Variants in IL1RN observed in about 807,000 individuals in gnomAD.
The protein encoded by IL1RN is interleukin 1 receptor antagonist.
In IL1RN, 10 loss-of-function variants were observed where a neutral mutation model predicts 13.7. That is an observed-to-expected ratio of 0.73 (90% CI 0.45 to 1.24). The LOEUF (loss-of-function observed/expected upper bound fraction) is 1.24, where lower values mean the gene tolerates loss of function less well. Among genes scored for constraint, IL1RN ranks in the 50% most tolerant of loss-of-function variants. The pLI is 0.00. For missense variants in IL1RN, 213 were observed against 222.1 expected (o/e 0.96, Z 0.26); for synonymous variants, 102 against 82.7 (o/e 1.23, Z -1.27).
intron 2 of IL1RN, chr2:113,120,275 T>G (rs957410723): frequency 4.1e-6 from 3 of 734,454 alleles, no homozygotes; most frequent in Non-Finnish European, 7.3e-6. Flanking sequence ...CTAATATATC[T>G]GCAATGGTTT....
chr2:113,126,322 G>A (rs1166599024), upstream of IL1RN, among the ~76,000 whole-genome samples: 1 of 152,154 alleles, frequency 6.6e-6, no homozygotes, highest in African/African-American at 2.4e-5. Context: ...AGAAGACCTG[G>A]ATTTCTCTGC....
At chr2:113,104,101 C>T (rs1573268833), upstream of IL1RN, among the ~76,000 whole-genome samples, 1 of 151,564 alleles carries the variant, frequency 6.6e-6, no homozygotes. Flanking sequence ...TTCATCATTA[C>T]ATGGTACTAT....
chr2:113,102,633 C>T (rs1314909601), upstream of IL1RN, among the ~76,000 whole-genome samples: 7 of 151,272 alleles, frequency 4.6e-5, no homozygotes, highest in Non-Finnish European at 7.4e-5. Flanking sequence ...AGAGAGTCAG[C>T]GAAGGGAGAT....
chr2:113,123,913 T>C (rs896221122), upstream of IL1RN, among the ~76,000 whole-genome samples: 6 of 152,164 alleles, frequency 3.9e-5, no homozygotes, highest in Non-Finnish European at 8.8e-5. Flanking sequence ...TGTTGAGAAA[T>C]AGCCAACATC....
chr2:113,105,865 G>T (rs1363291781), upstream of IL1RN, among the ~76,000 whole-genome samples: 1 of 152,050 alleles, frequency 6.6e-6, no homozygotes, highest in Non-Finnish European at 1.5e-5. Context: ...ATATTGTAAT[G>T]TTCCCTGAAA....
chr2:113,132,941 C>A lies in IL1RN; in HGVS notation c.*70C>A. Reference sequence around the variant, plus strand: ...GCAGGGACTGCCAGTCCCCCTGCCCCAGGGCTCCCGGCTATGGGGGCACTG... The same window carrying A: ...GCAGGGACTGCCAGTCCCCCTGCCCAAGGGCTCCCGGCTATGGGGGCACTG... On this transcript the variant is annotated 3_prime_UTR_variant, in exon 4 of 4. Transcript: ENST00000409930. 6.7e-7 allele frequency: 1 copy of A among 1,493,904 alleles called. No homozygotes were observed. Among genetic ancestry groups the A allele is most frequent in the Non-Finnish European group, 9.3e-7 (1 of 1,071,838 alleles). 92.5% of individuals were successfully genotyped at this position (1,493,904 alleles called of 1,614,324 possible).
chr2:113,132,964 C>T lies in IL1RN; in HGVS notation c.*93C>T. On this transcript the variant is annotated 3_prime_UTR_variant, in exon 4 of 4. Transcript: ENST00000409930. ...CCCAGGGCTCCCGGCTATGGGGGCA[C>T]TGAGGACCAGCCATTGAGGGGTGGA... 2 of 1,223,178 alleles carry T rather than the reference C, an allele frequency of 1.6e-6. No individual in the cohort carries two copies. Among genetic ancestry groups the T allele is most frequent in the Non-Finnish European group, 2.4e-6 (2 of 829,334 alleles). 75.8% of individuals were successfully genotyped at this position (1,223,178 alleles called of 1,614,324 possible). A position where few individuals can be genotyped will look rare whatever the true frequency, so the allele number is the denominator to read the frequency against.
chr2:113,121,041 C>CTTA (rs1250449318), intron 2 of IL1RN, among the ~76,000 whole-genome samples: 1,515 of 136,300 alleles, frequency 0.011, 31 homozygotes, highest in African/African-American at 0.039. Flanking sequence ...TCTTCTTCTT[C>CTTA]TTCCTCTTCT....
At chr2:113,131,205 G>A (rs745545979) in intron 3 of IL1RN, 48 bp downstream of exon 3, 1 of 1,207,684 alleles carries the variant, frequency 8.3e-7, no homozygotes, top group South Asian at 1.2e-5. Flanking sequence ...CCAGTGGCTT[G>A]AAACAACCAA....
chr2:113,108,794 A>C (rs1293262424), upstream of IL1RN, among the ~76,000 whole-genome samples: 3 of 152,204 alleles, frequency 2.0e-5, no homozygotes, highest in African/African-American at 7.2e-5. Context: ...AAATAAGTCG[A>C]AATGTGGGGT....
chr2:113,116,192 C>T (rs889302132), upstream of IL1RN, among the ~76,000 whole-genome samples: 94 of 152,320 alleles, frequency 6.2e-4, no homozygotes, highest in Non-Finnish European at 1.0e-4. Flanking sequence ...ATGTGTCCTC[C>T]TCCTGTTGTC....
At position 113,132,768 on chromosome 2, in the gene IL1RN, G is replaced by T. The variant is rs757927163; in HGVS notation, c.431G>T (p.Trp144Leu). 8 of 1,614,134 alleles carry T rather than the reference G, an allele frequency of 5.0e-6. No individual in the cohort carries two copies. Among genetic ancestry groups the T allele is most frequent in the African/African-American group, 2.7e-5 (2 of 74,950 alleles). ...TTTGAGTCTGCCGCCTGCCCCGGTT[G>T]GTTCCTCTGCACAGCGATGGAAGCT... The part of the protein sequence containing the change: ...TSFESAACPG[W>L]FLCTAMEADQ... Residue 144 changes from tryptophan (W) to leucine (L), a missense_variant, in exon 4 of 4, where the codon TGG becomes TTG. Coordinates refer to ENST00000409930, the MANE Select transcript of IL1RN (RefSeq NM_173842.3).
exon 2 of IL1RN, chr2:113,120,089 G>A: frequency 6.2e-7 from 1 of 1,609,840 alleles, no homozygotes; most frequent in Non-Finnish European, 8.5e-7. Flanking sequence ...AGAAGGAGGT[G>A]GAGGAGGAGG....
the IL1RN span, among the ~76,000 whole-genome samples, chr2:113,101,027 A>G: frequency 6.6e-6 from 1 of 152,256 alleles, no homozygotes; most frequent in African/African-American, 2.4e-5. Context: ...ATTCCAGCTT[A>G]TATAGTGTCT....
rs983871218 is a variant in IL1RN, at chr2:113,121,556, A to C, written c.73+1428A>C. On this transcript the variant is annotated intron_variant, in intron 2 of 5. Transcript: ENST00000259206. Reference sequence around the variant, plus strand: ...TGACTTTCAGTGCAGATTCATAGCTAACCCATAAACTGCTGGGGCAAAAAT... The same window carrying C: ...TGACTTTCAGTGCAGATTCATAGCTCACCCATAAACTGCTGGGGCAAAAAT... 3 of 985,334 alleles carry C rather than the reference A, an allele frequency of 3.0e-6. No homozygotes were observed. The African/African-American group carries it at 5.2e-5, about 17-fold the overall frequency. The allele number at this position is 985,334 out of a possible 1,614,324, so 61.0% of individuals were successfully genotyped here.
At chr2:113,100,710 C>T in the IL1RN span, among the ~76,000 whole-genome samples, 1 of 152,130 alleles carries the variant, frequency 6.6e-6, no homozygotes, top group Non-Finnish European at 1.5e-5. Flanking sequence ...GACAGAAAGC[C>T]ATGTTTGTAA....
At chr2:113,113,217 A>G (rs1008503955), upstream of IL1RN, 1 of 152,238 alleles carries the variant, frequency 6.6e-6, no homozygotes, top group African/African-American at 2.4e-5. Context: ...TGGTATATAC[A>G]TACACTGGAA....
upstream of IL1RN, chr2:113,115,706 G>A (rs766899594): frequency 4.6e-5 from 7 of 152,228 alleles, no homozygotes; most frequent in Admixed American, 1.3e-4. Flanking sequence ...GATGCACTGA[G>A]TACCCTAGGC....
chr2:113,100,343 G>T, the IL1RN span, among the ~76,000 whole-genome samples: 4 of 117,074 alleles, frequency 3.4e-5, no homozygotes, highest in Non-Finnish European at 7.7e-5. Context: ...AAAAAAAAAG[G>T]CTGGAAAACT....
Sources: gnomAD v4.1 joint callset for allele counts (sites outside exome capture counted in the v4.1 genomes callset) on GRCh38, gnomAD v4.1.1 for gene constraint, MANE v1.5 for transcripts, NCBI Gene and HGNC (gene_info 2026-07-23, HGNC 2026-07-21) for gene names.